Variants in STXBP5L observed in about 807,000 individuals in gnomAD.
STXBP5L encodes the protein syntaxin binding protein 5L.
A neutral mutation model predicts 144.5 loss-of-function variants in STXBP5L; 65 were observed. The ratio of observed to expected loss-of-function variants is 0.45; its 90% CI spans 0.37 to 0.55. The LOEUF is 0.55. Ranked by LOEUF, STXBP5L falls within the 20% of genes least tolerant of loss-of-function variation. The pLI, the probability that STXBP5L is intolerant of heterozygous loss-of-function variation, is 0.00. For missense variants in STXBP5L, 1,298 were observed against 1,405.5 expected (o/e 0.92, Z 1.22); for synonymous variants, 505 against 469.6 (o/e 1.08, Z -0.97).
At chr3:120,946,532 T>C (rs1710864682) in intron 2 of STXBP5L, among the ~76,000 whole-genome samples, 1 of 151,734 alleles carries the variant, frequency 6.6e-6, no homozygotes, top group East Asian at 1.9e-4. Flanking sequence ...AACTGGATTG[T>C]TATCTGCTGA....
At chr3:121,381,186 T>C (rs1172307108) in intron 21 of STXBP5L, 107 bp from the exon 22 acceptor site, 2 of 1,163,140 alleles carry the variant, frequency 1.7e-6, no homozygotes, top group East Asian at 5.3e-5. Flanking sequence ...TAACAAACAA[T>C]GAAATTTTAC....
intron 8 of STXBP5L, among the ~76,000 whole-genome samples, chr3:121,155,485 A>G (rs543443257): frequency 6.6e-6 from 1 of 151,850 alleles, no homozygotes; most frequent in Admixed American, 6.6e-5. Flanking sequence ...TTCTTCTTTC[A>G]TGTGTTCAAG....
At chr3:121,139,180 T>C (rs2045387702) in intron 7 of STXBP5L, among the ~76,000 whole-genome samples, 1 of 151,980 alleles carries the variant, frequency 6.6e-6, no homozygotes, top group African/African-American at 2.4e-5. Context: ...GCACTATAGG[T>C]TGAATATGAT....
chr3:121,012,708 G>A (rs1291676925), intron 3 of STXBP5L, among the ~76,000 whole-genome samples: 2 of 151,612 alleles, frequency 1.3e-5, no homozygotes, highest in Admixed American at 1.3e-4. Context: ...AGATTTAGGG[G>A]ATACATGTGC....
At chr3:120,950,547 T>TA (rs151181288) in intron 2 of STXBP5L, among the ~76,000 whole-genome samples, 15,421 of 152,098 alleles carry the variant, frequency 0.1, 1,026 homozygotes, top group Non-Finnish European at 0.15. Context: ...CAATTTTTTT[T>TA]ATTATACTTT....
intron 3 of STXBP5L, among the ~76,000 whole-genome samples, chr3:120,997,190 A>C (rs1386230532): frequency 6.6e-6 from 1 of 152,112 alleles, no homozygotes; most frequent in Non-Finnish European, 1.5e-5. Context: ...CCCATTCACC[A>C]CTGATAGACA....
intron 5 of STXBP5L, among the ~76,000 whole-genome samples, chr3:121,114,087 C>G (rs1157282454): frequency 6.6e-6 from 1 of 152,106 alleles, no homozygotes; most frequent in Non-Finnish European, 1.5e-5. Flanking sequence ...AACTTATCCT[C>G]CTTCTCTTTT....
chr3:121,316,530 GC>G (rs1427329715), intron 19 of STXBP5L, among the ~76,000 whole-genome samples: 1 of 152,112 alleles, frequency 6.6e-6, no homozygotes, highest in Non-Finnish European at 1.5e-5. Context: ...TGATGTAATA[GC>G]CTTTCTTCCC....
At chr3:121,208,876 A>G (rs900304992) in intron 10 of STXBP5L, among the ~76,000 whole-genome samples, 1 of 152,066 alleles carries the variant, frequency 6.6e-6, no homozygotes, top group Non-Finnish European at 1.5e-5. Context: ...CATCATCTAC[A>G]TTAGGTATTT....
intron 5 of STXBP5L, among the ~76,000 whole-genome samples, chr3:121,098,137 C>G (rs916083691): frequency 1.3e-5 from 2 of 152,086 alleles, no homozygotes; most frequent in African/African-American, 4.8e-5. Flanking sequence ...TATCTAATAT[C>G]TTGATATGTT....
chr3:121,137,881 G>A (rs1376620342), intron 7 of STXBP5L, among the ~76,000 whole-genome samples: 1 of 152,108 alleles, frequency 6.6e-6, no homozygotes, highest in African/African-American at 2.4e-5. Context: ...AGGTAAGGAT[G>A]TCCACTCTTA....
chr3:121,295,529 C>G (rs2051616326), intron 19 of STXBP5L, among the ~76,000 whole-genome samples: 1 of 152,064 alleles, frequency 6.6e-6, no homozygotes, highest in Admixed American at 6.5e-5. Context: ...ATGTTTCTAT[C>G]TTTGAATTTA....
intron 5 of STXBP5L, among the ~76,000 whole-genome samples, chr3:121,094,220 A>G (rs561182313): frequency 3.3e-5 from 5 of 152,064 alleles, no homozygotes; most frequent in African/African-American, 9.6e-5. Flanking sequence ...AATAGGTGTG[A>G]TGTGGTGCTG....
At chr3:121,367,102 A>G (rs939451428) in intron 20 of STXBP5L, among the ~76,000 whole-genome samples, 1 of 152,222 alleles carries the variant, frequency 6.6e-6, no homozygotes, top group African/African-American at 2.4e-5. Context: ...ACCCCACAAC[A>G]TGAACTAATA....
intron 3 of STXBP5L, among the ~76,000 whole-genome samples, chr3:121,028,972 G>A (rs916389076): frequency 1.3e-5 from 2 of 152,078 alleles, no homozygotes; most frequent in Non-Finnish European, 2.9e-5. Context: ...CAACATACAA[G>A]GGATGTGAAG....
intron 3 of STXBP5L, among the ~76,000 whole-genome samples, chr3:121,027,658 C>A (rs1191559838): frequency 6.6e-6 from 1 of 151,926 alleles, no homozygotes; most frequent in African/African-American, 2.4e-5. Flanking sequence ...GTTTTTTTCA[C>A]TTATAAGGAC....
chr3:121,306,573 C>G (rs777320983), intron 19 of STXBP5L, among the ~76,000 whole-genome samples: 18 of 152,154 alleles, frequency 1.2e-4, no homozygotes, highest in Non-Finnish European at 2.1e-4. Context: ...GAATAGAGAG[C>G]TTCAAAGCCC....
At chr3:121,328,644 G>A (rs1206424938) in intron 20 of STXBP5L, among the ~76,000 whole-genome samples, 1 of 152,128 alleles carries the variant, frequency 6.6e-6, no homozygotes, top group Non-Finnish European at 1.5e-5. Flanking sequence ...CAGCTACTCA[G>A]GAGGCTGAGG....
intron 24 of STXBP5L, among the ~76,000 whole-genome samples, chr3:121,414,346 A>T (rs2047186248): frequency 6.6e-6 from 1 of 152,142 alleles, no homozygotes; most frequent in Non-Finnish European, 1.5e-5. Flanking sequence ...ATGGAGCAGA[A>T]GGGAGGTGGT....
Sources: gnomAD v4.1 joint callset for allele counts (sites outside exome capture counted in the v4.1 genomes callset) on GRCh38, gnomAD v4.1.1 for gene constraint, MANE v1.5 for transcripts, NCBI Gene and HGNC (gene_info 2026-07-23, HGNC 2026-07-21) for gene names.